Variants in FRMPD2 observed in about 807,000 individuals in gnomAD.
FRMPD2 encodes the protein FERM and PDZ domain containing 2.
A neutral mutation model predicts 140.1 loss-of-function variants in FRMPD2; 96 were observed. The observed-to-expected ratio is 0.69, with a 90% confidence interval of 0.58 to 0.81. FRMPD2 has a LOEUF of 0.81. Among genes scored for constraint, FRMPD2 ranks in the 40% least tolerant of loss-of-function variants. The probability of loss-of-function intolerance (pLI) is 0.00; values close to 1 mark genes in which losing one functional copy is unlikely to be tolerated. For missense variants in FRMPD2, 1,240 were observed against 1,447.4 expected (o/e 0.86, Z 2.32); for synonymous variants, 449 against 547.6 (o/e 0.82, Z 2.52).
At chr10:48,233,667 A>G in intron 9 of FRMPD2, among the ~76,000 whole-genome samples, 1 of 152,108 alleles carries the variant, frequency 6.6e-6, no homozygotes, top group Non-Finnish European at 1.5e-5. Flanking sequence ...CAGGACAATG[A>G]GCGAGTATAC....
chr10:48,223,164 G>T lies in FRMPD2; in HGVS notation c.1275C>A (p.Phe425Leu), dbSNP rs768872781. ...GGCTGACAAAGAACTTTATCCTCAG[G>T]AAGAGTGTGAAGGTATTCATGGAGG... ...QKTSMNTFTLFLRIKFFVSHY... is the reference protein window; with the variant it reads ...QKTSMNTFTLLLRIKFFVSHY... The change falls in exon 11 of 29, where the codon TTC (phenylalanine) becomes TTA (leucine). Residue 425 changes from phenylalanine (F) to leucine (L), a missense_variant. By Grantham distance (22) the Phe-to-Leu change is conservative (BLOSUM62 0). Around this residue, in one of 6 missense-constraint regions of FRMPD2, gnomAD observed 1,161 missense variants for 1,055.9 expected, o/e 1.10. Coordinates refer to ENST00000374201, the MANE Select transcript of FRMPD2 (RefSeq NM_001018071.4). 1.3e-5 allele frequency: 21 copies of T among 1,614,030 alleles called. No individual in the cohort carries two copies. The highest frequency in any genetic ancestry group is 1.8e-5 in the Non-Finnish European group (21 of 1,179,916).
chr10:48,216,231 T>C (rs796708477), intron 12 of FRMPD2, among the ~76,000 whole-genome samples: 10 of 151,776 alleles, frequency 6.6e-5, no homozygotes, highest in African/African-American at 2.4e-4. Context: ...CAGAAAGACA[T>C]ATAGATGACA....
intron 15 of FRMPD2, among the ~76,000 whole-genome samples, chr10:48,196,727 G>A (rs1838962043): frequency 6.6e-6 from 1 of 152,230 alleles, no homozygotes; most frequent in African/African-American, 2.4e-5. Flanking sequence ...TGAATCTGCA[G>A]AGAGAGTTTC....
intron 10 of FRMPD2, among the ~76,000 whole-genome samples, chr10:48,224,220 A>G (rs990346438): frequency 1.3e-4 from 19 of 147,630 alleles, no homozygotes; most frequent in Non-Finnish European, 2.7e-4. Context: ...TGCTCTCTTC[A>G]CAGCAAAGCT....
rs781676807 is a variant in FRMPD2, at chr10:48,185,593, A to C, written c.2319T>G (p.Ile773Met). The C allele has an allele frequency of 6.2e-7, 1 of 1,613,970 alleles. No homozygotes were observed. The highest frequency in any genetic ancestry group is 8.5e-7 in the Non-Finnish European group (1 of 1,179,998). Reference sequence around the variant, plus strand: ...GGTCACGTTTCAGTGTCACACGTACAATTTCTCGGCCCGGTTCAGCTATAA... The same window carrying C: ...GGTCACGTTTCAGTGTCACACGTACCATTTCTCGGCCCGGTTCAGCTATAA... ...KSFIAEPGRE[I>M]VRVTLKRDPH... is the part of the protein sequence containing the mutation. The change falls in exon 18 of 29, where the codon ATT becomes ATG. Residue 773 changes from isoleucine (I) to methionine (M), a missense_variant. Physicochemically the swap from Ile to Met is conservative, Grantham distance 10. Around this residue, in one of 6 missense-constraint regions of FRMPD2, gnomAD observed 1,161 missense variants for 1,055.9 expected, o/e 1.10. Coordinates refer to ENST00000374201, the MANE Select transcript of FRMPD2 (RefSeq NM_001018071.4).
At chr10:48,264,600 A>T (rs962329363) in intron 1 of FRMPD2, among the ~76,000 whole-genome samples, 3 of 152,118 alleles carry the variant, frequency 2.0e-5, no homozygotes, top group African/African-American at 7.2e-5. Flanking sequence ...GATCCCTATA[A>T]GGAAAACTAC....
chr10:48,198,634 T>C (rs1043646098), intron 15 of FRMPD2, among the ~76,000 whole-genome samples: 29 of 152,340 alleles, frequency 1.9e-4, no homozygotes, highest in African/African-American at 7.0e-4. Flanking sequence ...GGTAGTTTGA[T>C]AGGAATAGCA....
Position 48,244,833 on chromosome 10 carries a change from A to G in FRMPD2, c.326T>C (p.Leu109Ser), listed in dbSNP as rs774906204. 10 of 1,612,516 alleles carry G rather than the reference A, an allele frequency of 6.2e-6. No homozygotes were observed. Among genetic ancestry groups the G allele is most frequent in the Non-Finnish European group, 8.5e-7 (1 of 1,178,640 alleles). ...TGCTGACCAGTAGAGGGTCATTCCT[A>G]AAGAATAGACATGCATCTGCCCAAA... ...PDASQMHVYSLGMTLYWSAGF... is the reference protein window; with the variant it reads ...PDASQMHVYSSGMTLYWSAGF... The change falls in exon 4 of 29, where the codon TTA becomes TCA. Residue 109 changes from leucine to serine, a missense_variant. Physicochemically the swap from Leu to Ser is moderately radical, Grantham distance 145. Transcript: ENST00000374201.
chr10:48,239,624 A>G lies in FRMPD2; in HGVS notation c.769T>C (p.Cys257Arg). 6.2e-7 allele frequency: 1 copy of G among 1,614,114 alleles called. No individual in the cohort carries two copies. The highest frequency in any genetic ancestry group is 1.7e-4 in the Middle Eastern group (1 of 6,060). ...PHWSTLTHSH[C>R]SLLVNRALPG... ...GCTTACCGGTTAACAAGGAGGCTGC[A>G]GTGACTGTGTGTCAAGGTGCTCCAA... The change falls in exon 7 of 29, where the codon TGC becomes CGC. Residue 257 changes from cysteine (C) to arginine (R), a missense_variant. By Grantham distance (180) the Cys-to-Arg change is radical. This residue lies in a region of FRMPD2 where 1,161 missense variants were observed against 1,055.9 expected (regional missense o/e 1.10). Coordinates refer to ENST00000374201, the MANE Select transcript of FRMPD2 (RefSeq NM_001018071.4).
chr10:48,202,531 G>T (rs1839110620), intron 14 of FRMPD2, among the ~76,000 whole-genome samples: 1 of 152,134 alleles, frequency 6.6e-6, no homozygotes, highest in Non-Finnish European at 1.5e-5. Flanking sequence ...AAGCCTCCTT[G>T]TGCTAATAGG....
At position 48,240,508 on chromosome 10, in the gene FRMPD2, A is replaced by G; in HGVS notation, c.568-16T>C. On this transcript the variant is annotated splice_polypyrimidine_tract_variant and intron_variant, in intron 5 of 28. Coordinates refer to ENST00000374201, the MANE Select transcript of FRMPD2 (RefSeq NM_001018071.4). Reference sequence around the variant, plus strand: ...TTTTCTCCACCTGGGGGTCAAGTGCATCACACATCCACATCCCAAGATAAG... The same window carrying G: ...TTTTCTCCACCTGGGGGTCAAGTGCGTCACACATCCACATCCCAAGATAAG... 6.2e-7 allele frequency: 1 copy of G among 1,613,436 alleles called. No homozygotes were observed. The highest frequency in any genetic ancestry group is 8.5e-7 in the Non-Finnish European group (1 of 1,179,986).
chr10:48,236,606 G>A, intron 8 of FRMPD2, 53 bp from the exon 9 acceptor site: 6 of 1,544,372 alleles, frequency 3.9e-6, no homozygotes, highest in Non-Finnish European at 5.4e-6. Context: ...CCAGGCTTTG[G>A]GTCTGGGCTT....
intron 1 of FRMPD2, among the ~76,000 whole-genome samples, chr10:48,270,403 C>T (rs1371786714): frequency 2.0e-5 from 3 of 152,202 alleles, no homozygotes; most frequent in African/African-American, 7.2e-5. Flanking sequence ...GGGTCTTCCT[C>T]TTCTGGGAAT....
intron 17 of FRMPD2, among the ~76,000 whole-genome samples, chr10:48,186,872 T>A (rs1347587460): frequency 6.6e-6 from 1 of 152,184 alleles, no homozygotes; most frequent in African/African-American, 2.4e-5. Context: ...TGGGAGGTGA[T>A]GTTCTGGCCT....
intron 2 of FRMPD2, among the ~76,000 whole-genome samples, chr10:48,250,614 G>A (rs1285109324): frequency 2.6e-5 from 4 of 152,010 alleles, no homozygotes; most frequent in African/African-American, 9.7e-5. Flanking sequence ...CACCATGTTG[G>A]CCAGGCTGGT....
At chr10:48,161,548 C>G (rs1420897984) in intron 28 of FRMPD2, among the ~76,000 whole-genome samples, 1 of 151,754 alleles carries the variant, frequency 6.6e-6, no homozygotes. Flanking sequence ...ATGAGCCATG[C>G]TGTATGCAAA....
rs2131874122 is a variant in FRMPD2, at chr10:48,206,943, A to G, written c.1612-10T>C. Reference sequence around the variant, plus strand: ...GGAGCTGCTGAGTGACCTGGAGCAGAAAAAGGCTGATTTAGAAGAGACAGG... The same window carrying G: ...GGAGCTGCTGAGTGACCTGGAGCAGGAAAAGGCTGATTTAGAAGAGACAGG... On this transcript the variant is annotated splice_polypyrimidine_tract_variant and intron_variant, in intron 13 of 28. Coordinates refer to ENST00000374201, the MANE Select transcript of FRMPD2 (RefSeq NM_001018071.4). 5 of 1,612,272 alleles carry G rather than the reference A, an allele frequency of 3.1e-6. No individual in the cohort carries two copies. In the South Asian group the frequency reaches 3.3e-5, roughly 11 times the overall value.
At chr10:48,239,783 C>A in intron 6 of FRMPD2, 91 bp from the exon 7 acceptor site, 1 of 863,610 alleles carries the variant, frequency 1.2e-6, no homozygotes, top group Non-Finnish European at 1.9e-6. Context: ...GGCATCATGA[C>A]TTACTAGCTG....
At position 48,210,839 on chromosome 10, in the gene FRMPD2, A is replaced by T. The variant is rs559205411; in HGVS notation, c.1611+1115T>A. On this transcript the variant is annotated intron_variant, in intron 13 of 28. Coordinates refer to ENST00000374201, the MANE Select transcript of FRMPD2 (RefSeq NM_001018071.4). Reference sequence around the variant, plus strand: ...TCAAGTACCCATCTCAATTAAGGGCAAGAAAACACAGATGGAATATTTCTA... The same window carrying T: ...TCAAGTACCCATCTCAATTAAGGGCTAGAAAACACAGATGGAATATTTCTA... Among the ~76,000 whole-genome samples the T allele has an allele frequency of 3.3e-5, 5 of 152,372 alleles. No individual in the cohort carries two copies. In the South Asian group the frequency reaches 1.0e-3, roughly 32 times the overall value.
Sources: allele counts gnomAD v4.1 joint callset (sites outside exome capture counted in the v4.1 genomes callset), GRCh38; gene constraint gnomAD v4.1.1; regional missense constraint gnomAD v4.1.1; transcripts MANE v1.5; gene names NCBI Gene and HGNC (gene_info 2026-07-23, HGNC 2026-07-21).